Variants in INTS7 observed in about 807,000 individuals in gnomAD.
INTS7 encodes integrator complex subunit 7.
Under a neutral mutation model 109.2 loss-of-function variants are expected in INTS7, and 46 were observed. The observed-to-expected ratio is 0.42, with a 90% CI of 0.33 to 0.54. INTS7 has a LOEUF of 0.54. INTS7 is among the 20% of genes least tolerant of loss of function. The pLI, the probability that INTS7 is intolerant of heterozygous loss-of-function variation, is 0.07. For missense variants in INTS7, 929 were observed against 1,132.4 expected (o/e 0.82, Z 2.58); for synonymous variants, 412 against 402.9 (o/e 1.02, Z -0.27).
chr1:211,978,185 A>G, intron 11 of INTS7, 87 bp downstream of exon 11: 1 of 1,451,558 alleles, frequency 6.9e-7, no homozygotes, highest in East Asian at 2.3e-5. Context: ...TTTTTTAAGT[A>G]AAGTCAAATA....
intron 16 of INTS7, among the ~76,000 whole-genome samples, chr1:211,955,172 ACTCATGATTTG>A (rs1391302032): frequency 6.6e-6 from 1 of 152,026 alleles, no homozygotes; most frequent in African/African-American, 2.4e-5. Flanking sequence ...ATGGGAGTTC[ACTCATGATTTG>A]GCTCTCTGTT....
intron 7 of INTS7, 89 bp downstream of exon 7, chr1:212,006,550 G>T (rs1009301762): frequency 3.6e-6 from 2 of 552,550 alleles, no homozygotes; most frequent in Non-Finnish European, 5.6e-6. Flanking sequence ...CTTAGAAGAT[G>T]ACAAAGACAA....
intron 17 of INTS7, among the ~76,000 whole-genome samples, chr1:211,947,010 T>C (rs193302189): frequency 5.4e-4 from 83 of 152,328 alleles, no homozygotes; most frequent in African/African-American, 1.9e-3. Flanking sequence ...CAGTATATTA[T>C]TAAACAATTA....
intron 17 of INTS7, among the ~76,000 whole-genome samples, chr1:211,950,443 G>A (rs533765124): frequency 2.6e-4 from 40 of 152,072 alleles, no homozygotes; most frequent in African/African-American, 8.9e-4. Flanking sequence ...GGCTAATTTT[G>A]GTAGTTTTAG....
At chr1:212,006,876 C>G in intron 6 of INTS7, 115 bp from the exon 7 acceptor site, 1 of 780,782 alleles carries the variant, frequency 1.3e-6, no homozygotes, top group Non-Finnish European at 2.0e-6. Context: ...AATCAGAGCC[C>G]TGTCACTCAC....
rs529651999 is a variant in INTS7, at chr1:212,023,246, T to G, written c.95-2034A>C. ...CATGTGTCTTTTGGGCAGAATGATTTATTTTCCTTTGTGTATATATCCAGT... is the reference window on the plus strand; with the variant it reads ...CATGTGTCTTTTGGGCAGAATGATTGATTTTCCTTTGTGTATATATCCAGT... On this transcript the variant is annotated intron_variant, in intron 1 of 19. Coordinates refer to ENST00000366994, the MANE Select transcript of INTS7 (RefSeq NM_015434.4). 9.4e-4 allele frequency among the ~76,000 whole-genome samples: 143 copies of G among 152,304 alleles called. 1 individual carries two copies. The highest frequency in any genetic ancestry group is 4.4e-4 in the Non-Finnish European group (30 of 68,022).
At chr1:212,020,416 T>C (rs1666637038) in intron 2 of INTS7, 148 bp from the exon 3 acceptor site, 1 of 613,002 alleles carries the variant, frequency 1.6e-6, no homozygotes, top group South Asian at 2.3e-5. Flanking sequence ...AGTTAAAGTT[T>C]GTACTTTAGG....
chr1:211,996,240 G>A (rs1246851204), intron 7 of INTS7, among the ~76,000 whole-genome samples: 8 of 151,896 alleles, frequency 5.3e-5, no homozygotes, highest in East Asian at 1.9e-4. Flanking sequence ...TGGTGAACCC[G>A]GCGAAACCCC....
rs371750342 is a variant in INTS7, at chr1:212,018,756, C to T, written c.371+1366G>A. Among the ~76,000 whole-genome samples, 6 of 152,226 alleles carry T rather than the reference C, an allele frequency of 3.9e-5. No individual in the cohort carries two copies. The East Asian group carries it at 1.2e-3, about 29-fold the overall frequency. On this transcript the variant is annotated intron_variant, in intron 3 of 19. Coordinates refer to ENST00000366994, the MANE Select transcript of INTS7 (RefSeq NM_015434.4). ...ATCTTTCTATGTCAGTATATATAGA[C>T]TCACAACTCACTTTACTCTTTAAAA... is the stretch of plus-strand genomic sequence containing the variant.
At chr1:212,023,318 C>T (rs1469556005) in intron 1 of INTS7, among the ~76,000 whole-genome samples, 1 of 152,188 alleles carries the variant, frequency 6.6e-6, no homozygotes, top group Non-Finnish European at 1.5e-5. Context: ...TTTGAGAAAT[C>T]TCCAAACTGC....
intron 8 of INTS7, among the ~76,000 whole-genome samples, chr1:211,986,199 C>T (rs1664886488): frequency 6.6e-6 from 1 of 152,024 alleles, no homozygotes; most frequent in South Asian, 2.1e-4. Context: ...ACTAAGGTGC[C>T]TCAGCAGAAA....
chr1:211,995,742 G>C (rs144934995), intron 7 of INTS7, among the ~76,000 whole-genome samples: 16 of 152,278 alleles, frequency 1.1e-4, no homozygotes, highest in African/African-American at 3.6e-4. Flanking sequence ...TTTGAGAGGT[G>C]ATTAGGCCAT....
chr1:212,025,110 G>A (rs1297417163), intron 1 of INTS7, among the ~76,000 whole-genome samples: 1 of 152,168 alleles, frequency 6.6e-6, no homozygotes, highest in Non-Finnish European at 1.5e-5. Context: ...TTGTGAAAAA[G>A]GCAGGGAAAA....
At chr1:211,997,133 A>T (rs1665433793) in intron 7 of INTS7, among the ~76,000 whole-genome samples, 2 of 152,152 alleles carry the variant, frequency 1.3e-5, no homozygotes. Context: ...AATCTCACAA[A>T]TCACCACCAA....
intron 7 of INTS7, among the ~76,000 whole-genome samples, 192 bp from the exon 8 acceptor site, chr1:211,988,195 G>A (rs1174078842): frequency 2.6e-5 from 4 of 152,096 alleles, no homozygotes; most frequent in South Asian, 4.2e-4. Context: ...GGCTGAGGTG[G>A]GAGGATCACT....
chr1:211,945,543 G>A (rs1413377579), intron 18 of INTS7, among the ~76,000 whole-genome samples: 1 of 152,148 alleles, frequency 6.6e-6, no homozygotes, highest in Non-Finnish European at 1.5e-5. Context: ...TGAAAAGATG[G>A]AAGAAATTTG....
intron 4 of INTS7, among the ~76,000 whole-genome samples, chr1:212,015,094 G>A (rs988260364): frequency 1.4e-5 from 2 of 141,056 alleles, no homozygotes; most frequent in African/African-American, 3.2e-5. Flanking sequence ...GGTGGGGGGC[G>A]GCCCCCGCCC....
chr1:212,030,730 T>TA, intron 1 of INTS7: 1 of 152,200 alleles, frequency 6.6e-6, no homozygotes, highest in Non-Finnish European at 1.5e-5. Flanking sequence ...GGTATGGAAT[T>TA]AGTCACCTGG....
rs558435436 is a variant in INTS7, at chr1:211,979,494, A to G, written c.1231-983T>C. 4.6e-5 allele frequency among the ~76,000 whole-genome samples: 7 copies of G among 152,368 alleles called. No individual in the cohort carries two copies. The South Asian group carries it at 8.3e-4, about 18-fold the overall frequency. On this transcript the variant is annotated intron_variant, in intron 10 of 19. Coordinates refer to ENST00000366994, the MANE Select transcript of INTS7 (RefSeq NM_015434.4). ...TTGAAGGACTGAAACAAATGTATAT[A>G]TAAGTCTTCAACAAAGATTGGCACA...
Sources: allele counts gnomAD v4.1 joint callset (sites outside exome capture counted in the v4.1 genomes callset), GRCh38; gene constraint gnomAD v4.1.1; transcripts MANE v1.5; gene names NCBI Gene and HGNC (gene_info 2026-07-23, HGNC 2026-07-21).